ZNF280C: variants seen among roughly 807,000 people sequenced by gnomAD.
ZNF280C encodes zinc finger protein 280C.
ZNF280C carries 14 observed loss-of-function variants against 53.6 expected under a neutral mutation model. The observed-to-expected ratio is 0.26, with a 90% CI of 0.17 to 0.41. The LOEUF (loss-of-function observed/expected upper bound fraction) is 0.41, where lower values mean the gene tolerates loss of function less well. Ranked by LOEUF, ZNF280C falls within the 10% of genes least tolerant of loss-of-function variation. The probability of loss-of-function intolerance (pLI) is 1.00; values close to 1 mark genes in which losing one functional copy is unlikely to be tolerated. For synonymous variants in ZNF280C, 203 were observed against 181.1 expected (o/e 1.12, Z -0.97); for missense variants, 416 against 547.1 (o/e 0.76, Z 2.39).
chrX:130,249,865 T>G (rs374784152), intron 2 of ZNF280C, among the ~76,000 whole-genome samples: 3 of 111,848 alleles, frequency 2.7e-5, no homozygotes, highest in East Asian at 2.8e-4. Flanking sequence ...TAAAGGTCAC[T>G]GAGATGCAGG....
At position 130,215,274 on chromosome X, in the gene ZNF280C, C is replaced by T. The variant is rs1200016835; in HGVS notation, c.1898G>A (p.Ser633Asn). 7.5e-6 allele frequency: 9 copies of T among 1,200,133 alleles called. No individual in the cohort carries two copies. The Admixed American group carries it at 9.0e-5, about 12-fold the overall frequency. Residue 633 changes from serine (S) to asparagine (N), a missense_variant, in exon 15 of 19, where the codon AGC (serine) becomes AAC (asparagine). Physicochemically the swap from Ser to Asn is conservative, Grantham distance 46 (BLOSUM62 1). This residue lies in a region of ZNF280C where 151 missense variants were observed against 176.9 expected (regional missense o/e 0.85). Transcript: ENST00000370978. ...GCAGTGGATGTATATAGAAAAGTGG[C>T]TTGCAAAATCTTTTATTTTGGAATG... ...ECHSKIKDFA[S>N]HFSIYIHCSF...
chrX:130,253,300 T>A (rs932652209), intron 2 of ZNF280C, among the ~76,000 whole-genome samples: 1 of 112,784 alleles, frequency 8.9e-6, no homozygotes, highest in Non-Finnish European at 1.9e-5. Context: ...TCTACGCTCA[T>A]GAATTGGATG....
chrX:130,203,896 C>T lies in ZNF280C; in HGVS notation c.*1081G>A, dbSNP rs1250023999. 1.8e-5 allele frequency: 2 copies of T among 109,761 alleles called. No homozygotes were observed. Among genetic ancestry groups the T allele is most frequent in the East Asian group, 5.6e-4 (2 of 3,549 alleles). 9.0% of individuals were successfully genotyped at this position (109,761 alleles called of 1,213,427 possible). On this transcript the variant is annotated 3_prime_UTR_variant, in exon 19 of 19. Coordinates refer to ENST00000370978, the MANE Select transcript of ZNF280C (RefSeq NM_017666.5). ...AAGAACAGCAGCCAAAATGGCTAAA[C>T]GTCAGCCTGGATGTTGAAGCACTGA...
At chrX:130,217,466 G>T (rs1291161841) in intron 13 of ZNF280C, among the ~76,000 whole-genome samples, 4 of 112,149 alleles carry the variant, frequency 3.6e-5, no homozygotes, top group Non-Finnish European at 7.5e-5. Context: ...GAATGCTAAA[G>T]GGTATGAGGT....
At chrX:130,214,104 G>A (rs209233) in intron 15 of ZNF280C, among the ~76,000 whole-genome samples, 59,099 of 110,303 alleles carry the variant, frequency 0.54, 12,805 homozygotes, top group African/African-American at 0.83. Flanking sequence ...CTGGCTAGTT[G>A]TATCTTATTT....
At chrX:130,227,646 A>AC (rs1444802608) in intron 11 of ZNF280C, 36 bp downstream of exon 11, 1 of 981,486 alleles carries the variant, frequency 1.0e-6, no homozygotes, top group African/African-American at 1.9e-5. Context: ...TGAAAATTAA[A>AC]CAAACACTTA....
intron 2 of ZNF280C, among the ~76,000 whole-genome samples, chrX:130,255,131 CT>C (rs1165356811): frequency 3.0e-5 from 3 of 99,365 alleles, no homozygotes; most frequent in Non-Finnish European, 4.1e-5. Context: ...AAATCATTTT[CT>C]TTTTTTTTCT....
chrX:130,231,362 T>C (rs147544444), intron 8 of ZNF280C, among the ~76,000 whole-genome samples: 175 of 112,201 alleles, frequency 1.6e-3, no homozygotes, highest in African/African-American at 5.5e-3. Flanking sequence ...ACATACACTA[T>C]GGAATACTAC....
chrX:130,251,624 G>A (rs1188032229), intron 2 of ZNF280C, among the ~76,000 whole-genome samples: 4 of 110,822 alleles, frequency 3.6e-5, no homozygotes, highest in East Asian at 2.8e-4. Flanking sequence ...GGCCGGGCGC[G>A]GTAGTGGTGC....
chrX:130,230,779 A>T (rs780725902), intron 8 of ZNF280C, 52 bp from the exon 9 acceptor site: 2 of 806,744 alleles, frequency 2.5e-6, no homozygotes, highest in African/African-American at 4.1e-5. Flanking sequence ...TAAAGATTAG[A>T]TACCAAAAAA....
intron 15 of ZNF280C, among the ~76,000 whole-genome samples, chrX:130,211,264 T>C (rs1270046487): frequency 8.9e-6 from 1 of 112,236 alleles, no homozygotes; most frequent in Non-Finnish European, 1.9e-5. Context: ...AAGGAATGAT[T>C]CTTGTGACTG....
intron 8 of ZNF280C, among the ~76,000 whole-genome samples, chrX:130,232,627 A>G (rs1216405440): frequency 8.9e-6 from 1 of 111,736 alleles, no homozygotes; most frequent in Non-Finnish European, 1.9e-5. Flanking sequence ...GCAAACCAAA[A>G]CTACAATGAG....
chrX:130,215,174 G>A lies in ZNF280C; in HGVS notation c.1979+19C>T. On this transcript the variant is annotated intron_variant, in intron 15 of 18. Transcript: ENST00000370978. ...ACCCAAATGGAAATTCTGATTGGCAGTTTACATGTTTAACTTACCTCATCA... is the reference window on the plus strand; with the variant it reads ...ACCCAAATGGAAATTCTGATTGGCAATTTACATGTTTAACTTACCTCATCA... 8.3e-7 allele frequency: 1 copy of A among 1,202,534 alleles called. No individual in the cohort carries two copies. The highest frequency in any genetic ancestry group is 1.1e-6 in the Non-Finnish European group (1 of 890,993).
rs773346613 is a variant in ZNF280C, at chrX:130,205,979, C to G, written c.2043-564G>C. ...TCACCTCTCAACTTGTTGCTGAAAG[C>G]TAGGCATCAAGAGACTCAAAGCCAA... On this transcript the variant is annotated intron_variant, in intron 16 of 18. Coordinates refer to ENST00000370978, the MANE Select transcript of ZNF280C (RefSeq NM_017666.5). Among the ~76,000 whole-genome samples the G allele has an allele frequency of 3.6e-5, 4 of 111,468 alleles. No individual in the cohort carries two copies. The East Asian group carries it at 1.1e-3, about 31-fold the overall frequency.
intron 2 of ZNF280C, among the ~76,000 whole-genome samples, chrX:130,255,869 C>T (rs768271229): frequency 3.6e-5 from 4 of 111,855 alleles, no homozygotes; most frequent in Admixed American, 9.4e-5. Context: ...GCACAAGAAT[C>T]GCCTCAACCC....
rs190314754 is a variant in ZNF280C at position 130,202,976 on chromosome X, A to G, written c.*2001T>C. 6.6e-4 allele frequency: 74 copies of G among 112,032 alleles called. No homozygotes were observed. The highest frequency in any genetic ancestry group is 2.4e-3 in the African/African-American group (73 of 30,866). 9.2% of individuals were successfully genotyped at this position (112,032 alleles called of 1,213,427 possible). On this transcript the variant is annotated 3_prime_UTR_variant, in exon 19 of 19. Transcript: ENST00000370978. ...GGTATTATGTATTAGATGTATAGAA[A>G]TGTAACTTTAAAACTTGTTTTAAGT... is the stretch of plus-strand genomic sequence containing the variant.
At chrX:130,243,756 A>T in intron 4 of ZNF280C, 44 bp downstream of exon 4, 1 of 1,168,465 alleles carries the variant, frequency 8.6e-7, no homozygotes, top group Non-Finnish European at 1.2e-6. Flanking sequence ...CAATTATATC[A>T]AAATATTTAA....
Position 130,230,687 on chromosome X carries a change from A to G in ZNF280C, c.812T>C (p.Ile271Thr), listed in dbSNP as rs1188623868. The G allele has an allele frequency of 2.5e-6, 3 of 1,207,788 alleles. No homozygotes were observed. The highest frequency in any genetic ancestry group is 3.4e-6 in the Non-Finnish European group (3 of 893,402). The change falls in exon 9 of 19, where the codon ATT (isoleucine) becomes ACT (threonine). Residue 271 changes from isoleucine to threonine, a missense_variant. Ile to Thr is a moderately conservative substitution (Grantham distance 89). This residue lies in a region of ZNF280C where 193 missense variants were observed against 201.4 expected (regional missense o/e 0.96). Coordinates refer to ENST00000370978, the MANE Select transcript of ZNF280C (RefSeq NM_017666.5). ...PDMITKFLGVIVKSERPCDED... is the reference protein window; with the variant it reads ...PDMITKFLGVTVKSERPCDED... ...ATCACATGGACGTTCTGATTTAACAATTACTCCCAAAAATTTAGTTATCAT... is the reference window on the plus strand; with the variant it reads ...ATCACATGGACGTTCTGATTTAACAGTTACTCCCAAAAATTTAGTTATCAT...
At chrX:130,255,361 C>T (rs1239177386) in intron 2 of ZNF280C, among the ~76,000 whole-genome samples, 4 of 104,368 alleles carry the variant, frequency 3.8e-5, no homozygotes, top group East Asian at 6.0e-4. Context: ...GGGATGGTCT[C>T]GATCTCCTGA....
Sources: gnomAD v4.1 joint callset for allele counts (sites outside exome capture counted in the v4.1 genomes callset) on GRCh38, gnomAD v4.1.1 for gene constraint, gnomAD v4.1.1 regional missense constraint, MANE v1.5 for transcripts, NCBI Gene and HGNC (gene_info 2026-07-23, HGNC 2026-07-21) for gene names.